SH2B2: variants seen among roughly 807,000 people sequenced by gnomAD.
SH2B2 encodes SH2B adapter protein 2.
SH2B2 carries 37 observed loss-of-function variants against 35.7 expected under a neutral mutation model. That is an observed-to-expected ratio of 1.04 (90% CI 0.80 to 1.36). SH2B2 has a LOEUF of 1.36. Among genes scored for constraint, SH2B2 ranks in the 40% most tolerant of loss-of-function variants. The probability of loss-of-function intolerance (pLI) is 0.00; values close to 1 mark genes in which losing one functional copy is unlikely to be tolerated. For synonymous variants in SH2B2, 383 were observed against 376.4 expected (o/e 1.02, Z -0.20); for missense variants, 852 against 817.7 (o/e 1.04, Z -0.51).
chr7:102,286,626 C>G (rs1241358080), upstream of SH2B2, among the ~76,000 whole-genome samples: 1 of 151,902 alleles, frequency 6.6e-6, no homozygotes, highest in Non-Finnish European at 1.5e-5. Context: ...GAGCCGGCTC[C>G]TAACCCCTCT....
At chr7:102,316,800 T>C (rs1479891763) in intron 6 of SH2B2, among the ~76,000 whole-genome samples, 7 of 151,920 alleles carry the variant, frequency 4.6e-5, no homozygotes, top group African/African-American at 1.2e-4. Context: ...GGGTGGATCA[T>C]CTGAGGTCAG....
Position 102,297,140 on chromosome 7 carries a change from A to G in SH2B2, c.-29-3382A>G, listed in dbSNP as rs1747981743. Among the ~76,000 whole-genome samples, 1 of 152,196 alleles carries G rather than the reference A, an allele frequency of 6.6e-6. No individual in the cohort carries two copies. Reference sequence around the variant, plus strand: ...TAAATTGCAGGCCAGTCTGAGTAGCAGGATGAAGTCTCAAACCATCCCGCT... The same window carrying G: ...TAAATTGCAGGCCAGTCTGAGTAGCGGGATGAAGTCTCAAACCATCCCGCT... On this transcript the variant is annotated intron_variant, in intron 1 of 8. Coordinates refer to ENST00000444095, the MANE Select transcript of SH2B2 (RefSeq NM_001359228.2). This position sits in a 1 kb window ranked among gnomAD's most constrained non-coding sequence, Gnocchi z 4.3.
In SH2B2 at chr7:102,314,504, T is replaced by G; in HGVS notation, c.1016-8T>G. Reference sequence around the variant, plus strand: ...AAGATACGTGCATCTTACCTGCCACTTCCCCAGCAGTCGACCTGCCCCGCC... The same window carrying G: ...AAGATACGTGCATCTTACCTGCCACGTCCCCAGCAGTCGACCTGCCCCGCC... On this transcript the variant is annotated splice_region_variant and splice_polypyrimidine_tract_variant and intron_variant, in intron 5 of 8. Transcript: ENST00000444095. 1.5e-5 allele frequency: 6 copies of G among 398,648 alleles called. No individual in the cohort carries two copies. The allele number at this position is 398,648 out of a possible 1,614,324, so 24.7% of individuals were successfully genotyped here.
Position 102,316,891 on chromosome 7 carries a change from C to T in SH2B2, c.1187-296C>T, listed in dbSNP as rs564714799. ...AAAATTAGTTGGGTGTGGTGGTGGG[C>T]GCCTGTAATCCCAGCTACTCGGGAG... is the stretch of plus-strand genomic sequence containing the variant. On this transcript the variant is annotated intron_variant, in intron 6 of 8. Transcript: ENST00000444095. 1.4e-4 allele frequency among the ~76,000 whole-genome samples: 21 copies of T among 150,470 alleles called. No individual in the cohort carries two copies. In the South Asian group the frequency reaches 2.5e-3, roughly 18 times the overall value.
chr7:102,303,714 G>A (rs1394653482), intron 2 of SH2B2, among the ~76,000 whole-genome samples: 2 of 152,206 alleles, frequency 1.3e-5, no homozygotes, highest in Admixed American at 6.5e-5. Flanking sequence ...GCCCAGTGAC[G>A]GGTGGGGTGG....
chr7:102,291,933 G>A (rs1206935334), intron 1 of SH2B2, among the ~76,000 whole-genome samples: 1 of 152,192 alleles, frequency 6.6e-6, no homozygotes, highest in Admixed American at 6.5e-5. Flanking sequence ...GCAGAGAGGA[G>A]GCTGCAGGGG....
Position 102,321,575 on chromosome 7 carries a change from C to T in SH2B2, c.1844C>T (p.Pro615Leu), listed in dbSNP as rs576447784. The change falls in exon 9 of 9, where the codon CCG becomes CTG. Residue 615 changes from proline to leucine, a missense_variant. Physicochemically the swap from Pro to Leu is moderately conservative, Grantham distance 98. Coordinates refer to ENST00000444095, the MANE Select transcript of SH2B2 (RefSeq NM_001359228.2). ...GCCGCCACCGCCGCCGAGGAGCCCC[C>T]GGAGGCCGCGCCCGGCCGCGCGCGC... ...AVAATAAEEP[P>L]EAAPGRARAV... 43 of 1,159,368 alleles carry T rather than the reference C, an allele frequency of 3.7e-5. No individual in the cohort carries two copies. In the South Asian group the frequency reaches 1.4e-3, roughly 37 times the overall value. The allele number at this position is 1,159,368 out of a possible 1,614,324, so 71.8% of individuals were successfully genotyped here.
chr7:102,320,188 G>T (rs1793998539), intron 7 of SH2B2, 143 bp from the exon 8 acceptor site: 7 of 634,370 alleles, frequency 1.1e-5, no homozygotes, highest in Admixed American at 2.7e-5. Flanking sequence ...TCTCCAGATG[G>T]GGCTCATGTG....
chr7:102,305,980 G>A (rs990771224), intron 2 of SH2B2, among the ~76,000 whole-genome samples: 4 of 144,424 alleles, frequency 2.8e-5, no homozygotes, highest in East Asian at 4.1e-4. Flanking sequence ...CTGCAGCCTC[G>A]ACCACCTCCC....
intron 4 of SH2B2, among the ~76,000 whole-genome samples, chr7:102,311,699 C>T (rs1418455099): frequency 6.6e-6 from 1 of 151,948 alleles, no homozygotes; most frequent in Non-Finnish European, 1.5e-5. Flanking sequence ...CAGTGCTTAG[C>T]TGCACAAGGC....
At chr7:102,303,435 C>T (rs79382810) in intron 2 of SH2B2, among the ~76,000 whole-genome samples, 3,975 of 152,164 alleles carry the variant, frequency 0.026, 120 homozygotes, top group African/African-American at 0.072. Flanking sequence ...CTGAGTCACC[C>T]GCCGCTTCTT....
intron 1 of SH2B2, among the ~76,000 whole-genome samples, chr7:102,290,422 G>C (rs140173325): frequency 2.6e-5 from 4 of 152,020 alleles, no homozygotes; most frequent in African/African-American, 9.7e-5. Flanking sequence ...GCACCACCAC[G>C]CCTGGCTAAT....
chr7:102,302,048 C>T (rs1170470940), intron 2 of SH2B2, among the ~76,000 whole-genome samples: 2 of 152,214 alleles, frequency 1.3e-5, no homozygotes, highest in African/African-American at 2.4e-5. Context: ...TTCGTAAAGA[C>T]GGGATCTGAC....
intron 4 of SH2B2, chr7:102,309,355 CTTTTTTT>C (rs35826295): frequency 2.6e-4 from 47 of 184,102 alleles, no homozygotes; most frequent in South Asian, 5.4e-4. Flanking sequence ...CTCTCTCTCT[CTTTTTTT>C]TTTTTTTTTT....
rs1195814938 is a variant in SH2B2 at position 102,320,427 on chromosome 7, C to A, written c.1492C>A (p.Pro498Thr). The change falls in exon 8 of 9, where the codon CCC becomes ACC. Residue 498 changes from proline to threonine, a missense_variant. Physicochemically the swap from Pro to Thr is conservative, Grantham distance 38 (BLOSUM62 -1). Around this residue, in one of 3 missense-constraint regions of SH2B2, gnomAD observed 556 missense variants for 514.5 expected, o/e 1.08. Transcript: ENST00000444095. ...LDMLRHFHTH[P>T]IPLESGGSAD... is the part of the protein sequence containing the mutation. ...CATGCTCCGCCACTTCCACACACAC[C>A]CCATCCCACTGGAGTCAGGGGGCTC... 7.4e-6 allele frequency: 12 copies of A among 1,613,760 alleles called. No individual in the cohort carries two copies. Among genetic ancestry groups the A allele is most frequent in the Non-Finnish European group, 1.0e-5 (12 of 1,179,878 alleles).
chr7:102,314,952 G>A (rs910967468), intron 6 of SH2B2, among the ~76,000 whole-genome samples: 1 of 151,930 alleles, frequency 6.6e-6, no homozygotes, highest in African/African-American at 2.4e-5. Context: ...ACTTTGGGAA[G>A]CCAAGGCGGG....
At chr7:102,286,647 C>T (rs1292392835), upstream of SH2B2, among the ~76,000 whole-genome samples, 1 of 151,752 alleles carries the variant, frequency 6.6e-6, no homozygotes, top group African/African-American at 2.4e-5. Context: ...CTCCGGGCCC[C>T]AGGACCGGGC....
At chr7:102,315,018 G>A (rs1292325584) in intron 6 of SH2B2, among the ~76,000 whole-genome samples, 14 of 152,036 alleles carry the variant, frequency 9.2e-5, no homozygotes, top group African/African-American at 2.2e-4. Context: ...GCAAAACCCC[G>A]TCACTACTAA....
rs34275327 is a variant in SH2B2 at position 102,292,530 on chromosome 7, C to CAA, written c.-30+5453_-30+5454dup. Among the ~76,000 whole-genome samples the CAA allele has an allele frequency of 1.5e-3, 169 of 113,022 alleles. 1 individual carries two copies. Among genetic ancestry groups the CAA allele is most frequent in the East Asian group, 1.8e-3 (7 of 3,980 alleles). 74.1% of individuals were successfully genotyped at this position (113,022 alleles called of 152,430 possible). On this transcript the variant is annotated intron_variant, in intron 1 of 8. Transcript: ENST00000444095. ...TCGGCAACAGAGCAAGACTCCGTCT[C>CAA]AAAAAAAAAAAAAAAAAATTACCTG...
Sources: allele counts gnomAD v4.1 joint callset (sites outside exome capture counted in the v4.1 genomes callset), GRCh38; gene constraint gnomAD v4.1.1; regional missense constraint gnomAD v4.1.1; non-coding constraint Gnocchi (gnomAD v3.1); transcripts MANE v1.5; gene names NCBI Gene and HGNC (gene_info 2026-07-23, HGNC 2026-07-21).